Variants in ARL14EPL observed in about 807,000 individuals in gnomAD.
ARL14EPL encodes the protein ARL14 effector protein-like.
Under a neutral mutation model 15.9 loss-of-function variants are expected in ARL14EPL, and 17 were observed. The observed-to-expected ratio is 1.07, with a 90% CI of 0.73 to 1.60. ARL14EPL has a LOEUF of 1.60. ARL14EPL is among the 40% of genes most tolerant of loss of function. The probability of loss-of-function intolerance (pLI) is 0.00; values close to 1 mark genes in which losing one functional copy is unlikely to be tolerated. For missense variants in ARL14EPL, 214 were observed against 185.9 expected (o/e 1.15, Z -0.88); for synonymous variants, 78 against 63.8 (o/e 1.22, Z -1.06).
intron 1 of ARL14EPL, among the ~76,000 whole-genome samples, chr5:116,034,922 G>A (rs1234986068): frequency 1.3e-5 from 2 of 152,194 alleles, no homozygotes; most frequent in Admixed American, 6.5e-5. Flanking sequence ...CAAAACGGGG[G>A]AATAATGGGC....
In ARL14EPL at chr5:116,053,922, A is replaced by G. The variant is rs1015446605; in HGVS notation, c.97-92A>G. 49 of 1,086,732 alleles carry G rather than the reference A, an allele frequency of 4.5e-5. No homozygotes were observed. The African/African-American group carries it at 7.0e-4, about 15-fold the overall frequency. The allele number at this position is 1,086,732 out of a possible 1,614,324, so 67.3% of individuals were successfully genotyped here. On this transcript the variant is annotated intron_variant, in intron 2 of 3. Coordinates refer to ENST00000686077, the MANE Select transcript of ARL14EPL (RefSeq NM_001195581.2). ...AAAACATATATACTTTCATGCCTTT[A>G]TGGTGAAAGTTACAGAAAGTTCATT...
At chr5:116,058,559 T>C (rs1178593542) in intron 3 of ARL14EPL, among the ~76,000 whole-genome samples, 166 bp from the exon 4 acceptor site, 1 of 152,228 alleles carries the variant, frequency 6.6e-6, no homozygotes, top group Non-Finnish European at 1.5e-5. Context: ...GGAGTGTTTC[T>C]GGTAATCCCT....
At chr5:116,038,783 A>G (rs1749094833) in intron 1 of ARL14EPL, among the ~76,000 whole-genome samples, 1 of 144,678 alleles carries the variant, frequency 6.9e-6, no homozygotes, top group Non-Finnish European at 1.5e-5. Flanking sequence ...ACGTTCTATG[A>G]CTAACTACTT....
rs572254329 is a variant in ARL14EPL, at chr5:116,039,588, A to G, written c.-10+7083A>G. Among the ~76,000 whole-genome samples the G allele has an allele frequency of 3.3e-5, 5 of 152,292 alleles. No individual in the cohort carries two copies. In the South Asian group the frequency reaches 1.0e-3, roughly 32 times the overall value. On this transcript the variant is annotated intron_variant, in intron 1 of 3. Coordinates refer to ENST00000686077, the MANE Select transcript of ARL14EPL (RefSeq NM_001195581.2). Reference sequence around the variant, plus strand: ...TTTATATCCCGAAATGCTCACATTAAGGGGAAAAAAAGAATGAAAACTAAT... The same window carrying G: ...TTTATATCCCGAAATGCTCACATTAGGGGGAAAAAAAGAATGAAAACTAAT...
At position 116,058,801 on chromosome 5, in the gene ARL14EPL, T is replaced by C. The variant is rs957139273; in HGVS notation, c.313T>C (p.Cys105Arg). 2 of 1,535,912 alleles carry C rather than the reference T, an allele frequency of 1.3e-6. No homozygotes were observed. Among genetic ancestry groups the C allele is most frequent in the African/African-American group, 2.7e-5 (2 of 73,054 alleles). Reference sequence around the variant, plus strand: ...TCTGTGTGATTGTCTAGAGAAGAACTGCCTGGGCTGCTTCTACCCATGCCC... The same window carrying C: ...TCTGTGTGATTGTCTAGAGAAGAACCGCCTGGGCTGCTTCTACCCATGCCC... ...ADLCDCLEKN[C>R]LGCFYPCPKC... Residue 105 changes from cysteine to arginine, a missense_variant, in exon 4 of 4, where the codon TGC becomes CGC. Cys to Arg is a radical substitution (Grantham distance 180). Transcript: ENST00000686077.
intron 3 of ARL14EPL, among the ~76,000 whole-genome samples, chr5:116,058,168 G>A (rs1043719286): frequency 4.6e-5 from 7 of 152,102 alleles, no homozygotes; most frequent in African/African-American, 1.7e-4. Flanking sequence ...GAATCAGAAA[G>A]GAACAGAAGA....
intron 2 of ARL14EPL, chr5:116,051,893 C>T (rs1749389086): frequency 2.9e-6 from 4 of 1,381,428 alleles, no homozygotes; most frequent in Non-Finnish European, 4.1e-6. Context: ...TCCAAATGTA[C>T]AGCTGGTTGG....
rs1580420287 is a variant in ARL14EPL at position 116,059,084 on chromosome 5, C to T, written c.*137C>T. 1 of 809,800 alleles carries T rather than the reference C, an allele frequency of 1.2e-6. No homozygotes were observed. The highest frequency in any genetic ancestry group is 2.7e-5 in the East Asian group (1 of 37,302). The allele number at this position is 809,800 out of a possible 1,614,324, so 50.2% of individuals were successfully genotyped here. On this transcript the variant is annotated 3_prime_UTR_variant, in exon 4 of 4. Coordinates refer to ENST00000686077, the MANE Select transcript of ARL14EPL (RefSeq NM_001195581.2). ...ACTCATGTTCTGTCAAGCCCCAGAA[C>T]AATGTAGAATGGGCAATAATTCTGT...
chr5:116,054,966 A>C (rs28584505), intron 3 of ARL14EPL, among the ~76,000 whole-genome samples: 1 of 152,064 alleles, frequency 6.6e-6, no homozygotes, highest in Non-Finnish European at 1.5e-5. Context: ...ACACACCATA[A>C]AGTAGGAGAA....
chr5:116,039,085 G>A (rs1321193493), intron 1 of ARL14EPL, among the ~76,000 whole-genome samples: 1 of 152,182 alleles, frequency 6.6e-6, no homozygotes, highest in East Asian at 1.9e-4. Flanking sequence ...GCAGTTACTG[G>A]TCTTGATCCA....
chr5:116,052,314 CG>C, intron 2 of ARL14EPL: 1 of 1,082,898 alleles, frequency 9.2e-7, no homozygotes, highest in Non-Finnish European at 1.4e-6. Flanking sequence ...CAGCAGACAC[CG>C]CAGCCTTGCA....
chr5:116,049,193 C>T (rs1749326192), intron 1 of ARL14EPL, among the ~76,000 whole-genome samples: 2 of 152,148 alleles, frequency 1.3e-5, no homozygotes, highest in Admixed American at 1.3e-4. Flanking sequence ...GAAAATTATA[C>T]CTACTTTTCC....
intron 1 of ARL14EPL, among the ~76,000 whole-genome samples, chr5:116,035,734 C>T (rs1580409449): frequency 6.6e-6 from 1 of 152,192 alleles, no homozygotes; most frequent in Admixed American, 6.5e-5. Flanking sequence ...ACTGGGGCTG[C>T]TGCCTCAAAA....
At chr5:116,037,198 G>C (rs1749062914) in intron 1 of ARL14EPL, among the ~76,000 whole-genome samples, 1 of 152,104 alleles carries the variant, frequency 6.6e-6, no homozygotes, top group South Asian at 2.1e-4. Context: ...CTTTAAATAG[G>C]AGAGATTCAC....
chr5:116,055,197 C>T (rs1749486452), intron 3 of ARL14EPL, among the ~76,000 whole-genome samples: 1 of 152,152 alleles, frequency 6.6e-6, no homozygotes, highest in Non-Finnish European at 1.5e-5. Flanking sequence ...GACATCAAAG[C>T]TGATGAAGCT....
At chr5:116,053,960 A>C (rs1749454807) in intron 2 of ARL14EPL, 54 bp from the exon 3 acceptor site, 1 of 1,433,652 alleles carries the variant, frequency 7.0e-7, no homozygotes, top group Non-Finnish European at 9.3e-7. Context: ...GGGGAAATGT[A>C]AAACAGATAA....
chr5:116,035,478 C>A lies in ARL14EPL; in HGVS notation c.-10+2973C>A, dbSNP rs192406766. 1.6e-4 allele frequency among the ~76,000 whole-genome samples: 25 copies of A among 152,266 alleles called. No individual in the cohort carries two copies. In the East Asian group the frequency reaches 4.8e-3, roughly 29 times the overall value. ...TATAGTTGGTCAGGAAATCAGAAACCAAATCGGCTTTTTTGACTGCGAACT... is the reference window on the plus strand; with the variant it reads ...TATAGTTGGTCAGGAAATCAGAAACAAAATCGGCTTTTTTGACTGCGAACT... On this transcript the variant is annotated intron_variant, in intron 1 of 3. Coordinates refer to ENST00000686077, the MANE Select transcript of ARL14EPL (RefSeq NM_001195581.2).
At chr5:116,051,380 T>G in intron 1 of ARL14EPL, 77 bp from the exon 2 acceptor site, 1 of 863,610 alleles carries the variant, frequency 1.2e-6, no homozygotes, top group Non-Finnish European at 1.8e-6. Flanking sequence ...GTAGGGAGAG[T>G]AGAAAAGAAT....
At chr5:116,053,910 T>A in intron 2 of ARL14EPL, 104 bp from the exon 3 acceptor site, 4 of 950,304 alleles carry the variant, frequency 4.2e-6, no homozygotes, top group African/African-American at 3.3e-5. Context: ...ACATATATAC[T>A]TTCATGCCTT....
Sources: allele counts gnomAD v4.1 joint callset (sites outside exome capture counted in the v4.1 genomes callset), GRCh38; gene constraint gnomAD v4.1.1; transcripts MANE v1.5; gene names NCBI Gene and HGNC (gene_info 2026-07-23, HGNC 2026-07-21).